ZNF772: variants seen among roughly 807,000 people sequenced by gnomAD.
ZNF772 encodes the protein zinc finger protein 772.
ZNF772 carries 8 observed loss-of-function variants against 11.0 expected under a neutral mutation model. The ratio of observed to expected loss-of-function variants is 0.73; its 90% CI spans 0.43 to 1.31. The LOEUF (loss-of-function observed/expected upper bound fraction) is 1.31. ZNF772 is among the 50% of genes most tolerant of loss of function. The probability of loss-of-function intolerance (pLI) is 0.01; values close to 1 mark genes in which losing one functional copy is unlikely to be tolerated. For synonymous variants in ZNF772, 155 were observed against 180.4 expected, an observed-to-expected ratio of 0.86 and a Z score of 1.13; for missense variants, 496 against 552.3, an observed-to-expected ratio of 0.90 and a Z score of 1.02.
rs2089234092 is a variant in ZNF772 at position 57,473,096 on chromosome 19, T to G, written c.*178A>C. On this transcript the variant is annotated 3_prime_UTR_variant, in exon 4 of 4. Transcript: ENST00000356584. ...AAATTCCAGCAAGAGTCTAGAAAAT[T>G]CAGCATAGCTCCAGAAGGCTTCCCA... 3.2e-6 allele frequency: 2 copies of G among 627,322 alleles called. No homozygotes were observed. The highest frequency in any genetic ancestry group is 5.4e-6 in the Non-Finnish European group (2 of 369,976). 38.9% of individuals were successfully genotyped at this position (627,322 alleles called of 1,614,324 possible).
Position 57,475,149 on chromosome 19 carries a change from A to C in ZNF772, c.199+511T>G. 2 of 1,614,188 alleles carry C rather than the reference A, an allele frequency of 1.2e-6. No homozygotes were observed. The highest frequency in any genetic ancestry group is 1.7e-6 in the Non-Finnish European group (2 of 1,180,006). On this transcript the variant is annotated intron_variant, in intron 3 of 3. Transcript: ENST00000356584. The surrounding 1 kb of genome is among the most constrained non-coding windows in gnomAD (Gnocchi z 4.2). ...GTGGGACATGAAAGATGTATGTCCT[A>C]AGGGAAAGATAGAACAGCACTGGTC...
At position 57,473,516 on chromosome 19, in the gene ZNF772, C is replaced by T. The variant is rs760858203; in HGVS notation, c.1105G>A (p.Ala369Thr). 74 of 1,614,100 alleles carry T rather than the reference C, an allele frequency of 4.6e-5. 1 individual carries two copies. In the Middle Eastern group the frequency reaches 8.3e-4, roughly 18 times the overall value. ...CTTTGGCTAAAGAACTTCCCACATG[C>T]GATGCACTCATAAGGCCTTGCTCCA... ...HTGARPYECI[A>T]CGKFFSQSSD... is the part of the protein sequence containing the mutation. The change falls in exon 4 of 4, where the codon GCA becomes ACA. Residue 369 changes from alanine to threonine, a missense_variant. By Grantham distance (58) the Ala-to-Thr change is moderately conservative (BLOSUM62 0). Transcript: ENST00000356584.
chr19:57,474,077 C>T lies in ZNF772; in HGVS notation c.544G>A (p.Val182Met). ...AAGTCCTTACAAGCCTCCCCTGTCA[C>T]AAAAGACATCTCCATTGATTGCACA... Reference protein sequence around the residue: ...CAVQSMEMSFVTGEACKDFLA... With the variant: ...CAVQSMEMSFMTGEACKDFLA... The change falls in exon 4 of 4, where the codon GTG (valine) becomes ATG (methionine). Residue 182 changes from valine to methionine, a missense_variant. Transcript: ENST00000356584. 6.2e-7 allele frequency: 1 copy of T among 1,614,170 alleles called. No homozygotes were observed. Among genetic ancestry groups the T allele is most frequent in the Middle Eastern group, 1.6e-4 (1 of 6,062 alleles).
Position 57,475,996 on chromosome 19 carries a change from T to C in ZNF772, c.73-210A>G, listed in dbSNP as rs1460047959. 6.6e-6 allele frequency among the ~76,000 whole-genome samples: 1 copy of C among 152,204 alleles called. No homozygotes were observed. The highest frequency in any genetic ancestry group is 1.5e-5 in the Non-Finnish European group (1 of 68,038). On this transcript the variant is annotated intron_variant, in intron 2 of 3. Transcript: ENST00000356584. This position sits in a 1 kb window ranked among gnomAD's most constrained non-coding sequence, Gnocchi z 4.2. ...TAGCAACCACAGGCAGGTGAAGAAG[T>C]TGTCACCCTCTAAGCTCTGTGCTTA...
rs1317902178 is a variant in ZNF772, at chr19:57,474,401, C to T, written c.220G>A (p.Asp74Asn). 2 of 1,604,412 alleles carry T rather than the reference C, an allele frequency of 1.2e-6. No homozygotes were observed. The highest frequency in any genetic ancestry group is 2.2e-5 in the South Asian group (2 of 90,960). ...CTCTGCTCAAAAGGTATCTCTTCAT[C>T]CTCCATTCCATGCCAACAACCTGAA... is the stretch of plus-strand genomic sequence containing the variant. ...ASLGCWHGME[D>N]EEIPFEQSFS... Residue 74 changes from aspartate to asparagine, a missense_variant, in exon 4 of 4, where the codon GAT (aspartate) becomes AAT (asparagine). Physicochemically the swap from Asp to Asn is conservative, Grantham distance 23. Transcript: ENST00000356584.
chr19:57,475,657 T>C lies in ZNF772; in HGVS notation c.199+3A>G. The C allele has an allele frequency of 6.2e-7, 1 of 1,613,772 alleles. No homozygotes were observed. The highest frequency in any genetic ancestry group is 8.5e-7 in the Non-Finnish European group (1 of 1,179,778). On this transcript the variant is annotated splice_donor_region_variant and intron_variant, in intron 3 of 3. Transcript: ENST00000356584. The surrounding 1 kb of genome is among the most constrained non-coding windows in gnomAD (Gnocchi z 4.2). ...GTCACTGGGGTGGATGTGACGGCCT[T>C]ACCCAGAGAGGCCATAAGTGCAAAG... is the stretch of plus-strand genomic sequence containing the variant.
chr19:57,472,294 C>G lies in ZNF772; in HGVS notation c.*980G>C, dbSNP rs1424904297. On this transcript the variant is annotated 3_prime_UTR_variant, in exon 4 of 4. Transcript: ENST00000356584. ...CTACTGAAAAATAGACTTCAGAGAT[C>G]TTGACATGTCCACTGAGTTCAAATT... The G allele has an allele frequency of 1.5e-5, 6 of 402,174 alleles. No individual in the cohort carries two copies. Among genetic ancestry groups the G allele is most frequent in the South Asian group, 9.2e-5 (5 of 54,524 alleles). 24.9% of individuals were successfully genotyped at this position (402,174 alleles called of 1,614,324 possible).
In ZNF772 at chr19:57,471,422, T is replaced by C. The variant is rs538659080; in HGVS notation, c.*1852A>G. The C allele has an allele frequency of 6.6e-6, 1 of 152,214 alleles. No homozygotes were observed. The highest frequency in any genetic ancestry group is 6.5e-5 in the Admixed American group (1 of 15,288). 9.4% of individuals were successfully genotyped at this position (152,214 alleles called of 1,614,324 possible). ...GACCAAATGGGAATTATTACAGAAATGCAAGGTTGGCTTAACATTTAAAAA... is the reference window on the plus strand; with the variant it reads ...GACCAAATGGGAATTATTACAGAAACGCAAGGTTGGCTTAACATTTAAAAA... On this transcript the variant is annotated 3_prime_UTR_variant, in exon 4 of 4. Transcript: ENST00000356584.
rs1369109087 is a variant in ZNF772, at chr19:57,471,471, A to G, written c.*1803T>C. ...AAAATCAGTCAATGTAATTCATATT[A>G]AACAACTAAAACAGAAAAAGAAAAA... On this transcript the variant is annotated 3_prime_UTR_variant, in exon 4 of 4. Transcript: ENST00000356584. 6.6e-6 allele frequency: 1 copy of G among 152,234 alleles called. No individual in the cohort carries two copies. The highest frequency in any genetic ancestry group is 1.9e-4 in the East Asian group (1 of 5,210). 9.4% of individuals were successfully genotyped at this position (152,234 alleles called of 1,614,324 possible). A position where few individuals can be genotyped will look rare whatever the true frequency, so the allele number is the denominator to read the frequency against.
chr19:57,473,064 C>A lies in ZNF772; in HGVS notation c.*210G>T. The stretch of plus-strand genomic sequence containing the variant: ...ACAGATGGCTTCTAACAGGCACTGC[C>A]TTGACGAAATTCCAGCAAGAGTCTA... On this transcript the variant is annotated 3_prime_UTR_variant, in exon 4 of 4. Coordinates refer to ENST00000356584, the MANE Select transcript of ZNF772 (RefSeq NM_001144068.2). 1.7e-6 allele frequency: 1 copy of A among 586,126 alleles called. No individual in the cohort carries two copies. Among genetic ancestry groups the A allele is most frequent in the Non-Finnish European group, 3.0e-6 (1 of 334,512 alleles). The allele number at this position is 586,126 out of a possible 1,614,324, so 36.3% of individuals were successfully genotyped here. A position where few individuals can be genotyped will look rare whatever the true frequency, so the allele number is the denominator to read the frequency against.
intron 2 of ZNF772, 193 bp downstream of exon 2, chr19:57,476,441 T>C (rs1251225516): frequency 1.6e-6 from 1 of 641,090 alleles, no homozygotes; most frequent in African/African-American, 1.8e-5. Context: ...CTTATTCCAA[T>C]GGTTGGCAGA....
intron 1 of ZNF772, among the ~76,000 whole-genome samples, chr19:57,476,974 C>A (rs2089291893): frequency 6.6e-6 from 1 of 152,194 alleles, no homozygotes; most frequent in Non-Finnish European, 1.5e-5. Context: ...AGAATAGAGA[C>A]CCAGCTGCTC....
At position 57,472,398 on chromosome 19, in the gene ZNF772, A is replaced by G; in HGVS notation, c.*876T>C. ...TTCATGTTGCTCCCAGACACATTAGAGATTATCACAACAAATGCCCACTGC... is the reference window on the plus strand; with the variant it reads ...TTCATGTTGCTCCCAGACACATTAGGGATTATCACAACAAATGCCCACTGC... On this transcript the variant is annotated 3_prime_UTR_variant, in exon 4 of 4. Coordinates refer to ENST00000356584, the MANE Select transcript of ZNF772 (RefSeq NM_001144068.2). The G allele has an allele frequency of 3.2e-6, 1 of 312,670 alleles. No homozygotes were observed. The highest frequency in any genetic ancestry group is 6.3e-6 in the Non-Finnish European group (1 of 158,762). The allele number at this position is 312,670 out of a possible 1,614,324, so 19.4% of individuals were successfully genotyped here.
chr19:57,474,645 C>T (rs1420920821), intron 3 of ZNF772, among the ~76,000 whole-genome samples: 1 of 152,176 alleles, frequency 6.6e-6, no homozygotes, highest in Non-Finnish European at 1.5e-5. Context: ...ATGTGGGGTA[C>T]AGCACAAAAA....
intron 1 of ZNF772, 44 bp from the exon 2 acceptor site, chr19:57,476,716 G>A: frequency 6.6e-7 from 1 of 1,524,702 alleles, no homozygotes; most frequent in Non-Finnish European, 8.9e-7. Flanking sequence ...AATCTTGAAG[G>A]AACCCCAAAG....
In ZNF772 at chr19:57,475,557, G is replaced by T; in HGVS notation, c.199+103C>A. On this transcript the variant is annotated intron_variant, in intron 3 of 3. Transcript: ENST00000356584. This position sits in a 1 kb window ranked among gnomAD's most constrained non-coding sequence, Gnocchi z 4.2. Reference sequence around the variant, plus strand: ...ACCTACTCCAGGCACTAAGAAATGAGACAGTGTCCACGGCTCTGATGTAGG... The same window carrying T: ...ACCTACTCCAGGCACTAAGAAATGATACAGTGTCCACGGCTCTGATGTAGG... 1 of 1,565,322 alleles carries T rather than the reference G, an allele frequency of 6.4e-7. No homozygotes were observed. Among genetic ancestry groups the T allele is most frequent in the Non-Finnish European group, 8.8e-7 (1 of 1,137,748 alleles).
intron 3 of ZNF772, chr19:57,474,980 T>C (rs201237281): frequency 2.5e-6 from 4 of 1,613,114 alleles, no homozygotes; most frequent in South Asian, 1.1e-5. Flanking sequence ...TGGAATGATA[T>C]GAACCCAGCC....
intron 1 of ZNF772, 26 bp from the exon 2 acceptor site, chr19:57,476,698 A>T: frequency 6.4e-7 from 1 of 1,566,730 alleles, no homozygotes; most frequent in Non-Finnish European, 8.7e-7. Flanking sequence ...AGACTATGCG[A>T]GTCAAGCAAT....
chr19:57,476,977 A>C (rs1171839469), intron 1 of ZNF772, among the ~76,000 whole-genome samples: 1 of 152,206 alleles, frequency 6.6e-6, no homozygotes, highest in Non-Finnish European at 1.5e-5. Flanking sequence ...ATAGAGACCC[A>C]GCTGCTCAGG....
Sources: allele counts gnomAD v4.1 joint callset (sites outside exome capture counted in the v4.1 genomes callset), GRCh38; gene constraint gnomAD v4.1.1; non-coding constraint Gnocchi (gnomAD v3.1); transcripts MANE v1.5; gene names NCBI Gene and HGNC (gene_info 2026-07-23, HGNC 2026-07-21).